The following NEO1 variants were observed in gnomAD, a reference collection of about 807,000 sequenced individuals.
NEO1 encodes the protein neogenin 1, also known as neogenin.
A neutral mutation model predicts 159.7 loss-of-function variants in NEO1; 63 were observed. The ratio of observed to expected loss-of-function variants is 0.39; its 90% CI spans 0.32 to 0.49. The LOEUF (loss-of-function observed/expected upper bound fraction) is 0.49. Among genes scored for constraint, NEO1 ranks in the 20% least tolerant of loss-of-function variants. The probability of loss-of-function intolerance (pLI) is 0.85; values close to 1 mark genes in which losing one functional copy is unlikely to be tolerated. For synonymous variants in NEO1, 633 were observed against 662.0 expected, an observed-to-expected ratio of 0.96 and a Z score of 0.67; for missense variants, 1,615 against 1,831.0, an observed-to-expected ratio of 0.88 and a Z score of 2.15.
rs1396861124 is a variant in NEO1 at position 73,126,451 on chromosome 15, A to G, written c.759A>G (p.Lys253=). 2.5e-6 allele frequency: 4 copies of G among 1,607,438 alleles called. No individual in the cohort carries two copies. The highest frequency in any genetic ancestry group is 2.5e-6 in the Non-Finnish European group (3 of 1,177,730). The change falls in exon 4 of 29, where the codon AAA becomes AAG. Residue 253 remains lysine (K), a synonymous_variant. Coordinates refer to ENST00000261908, the MANE Select transcript of NEO1 (RefSeq NM_002499.4). ...TGATATCAGACTTGGTATTTTTGAA[A>G]CAGCCTTCTCCCTTAGTCAGAGTCA... ...PEVISDLVFL[K]QPSPLVRVIG...
At chr15:73,094,784 G>A (rs1350739973) in intron 1 of NEO1, among the ~76,000 whole-genome samples, 3 of 152,130 alleles carry the variant, frequency 2.0e-5, no homozygotes, top group African/African-American at 7.2e-5. Context: ...TTGTTAGTTG[G>A]ATCTAGAGAT....
At chr15:73,250,124 A>G (rs1254157366) in intron 11 of NEO1, among the ~76,000 whole-genome samples, 1 of 152,088 alleles carries the variant, frequency 6.6e-6, no homozygotes, top group East Asian at 1.9e-4. Flanking sequence ...GTTCCTCCGT[A>G]TTTGTGACTG....
chr15:73,273,223 C>T (rs2041255233), intron 19 of NEO1, among the ~76,000 whole-genome samples: 1 of 152,124 alleles, frequency 6.6e-6, no homozygotes, highest in Non-Finnish European at 1.5e-5. Flanking sequence ...CCTTTGGCGC[C>T]TCTGGCCCAT....
At chr15:73,185,645 T>A (rs747626518) in intron 7 of NEO1, among the ~76,000 whole-genome samples, 1 of 152,166 alleles carries the variant, frequency 6.6e-6, no homozygotes, top group South Asian at 2.1e-4. Flanking sequence ...CCCAGATGAG[T>A]TGAAAATTTA....
intron 26 of NEO1, among the ~76,000 whole-genome samples, chr15:73,297,807 A>G (rs537325129): frequency 3.0e-4 from 46 of 152,312 alleles, no homozygotes; most frequent in Admixed American, 7.2e-4. Context: ...TTGTTGTCCA[A>G]TTCTCACTTG....
chr15:73,131,467 A>G (rs1215077998), intron 4 of NEO1, among the ~76,000 whole-genome samples: 1 of 152,222 alleles, frequency 6.6e-6, no homozygotes, highest in Non-Finnish European at 1.5e-5. Flanking sequence ...TTACCACCCT[A>G]AAGAAGTTGT....
intron 3 of NEO1, among the ~76,000 whole-genome samples, chr15:73,123,627 C>A (rs2071800133): frequency 6.6e-6 from 1 of 152,096 alleles, no homozygotes; most frequent in Non-Finnish European, 1.5e-5. Flanking sequence ...TCCTCATAAT[C>A]AATTTTGTAT....
At chr15:73,229,134 G>C (rs2150810248) in intron 7 of NEO1, among the ~76,000 whole-genome samples, 1 of 152,048 alleles carries the variant, frequency 6.6e-6, no homozygotes, top group East Asian at 1.9e-4. Context: ...TAACAACTTT[G>C]AGTTGTTCAA....
At chr15:73,179,151 G>A (rs2035453613) in intron 7 of NEO1, among the ~76,000 whole-genome samples, 1 of 152,162 alleles carries the variant, frequency 6.6e-6, no homozygotes, top group Admixed American at 6.5e-5. Flanking sequence ...TGTAATTTGA[G>A]CAGAGTTTTA....
intron 5 of NEO1, among the ~76,000 whole-genome samples, chr15:73,136,495 C>T (rs1456780640): frequency 1.3e-5 from 2 of 152,122 alleles, no homozygotes; most frequent in Middle Eastern, 3.4e-3. Flanking sequence ...TCTGTGACCC[C>T]GAATTATTTC....
chr15:73,219,867 C>G (rs1304256422), intron 7 of NEO1, among the ~76,000 whole-genome samples: 3 of 150,508 alleles, frequency 2.0e-5, no homozygotes, highest in African/African-American at 7.4e-5. Flanking sequence ...TGGGTCTTGA[C>G]TCTTTATCCA....
At chr15:73,133,454 T>C (rs1398704738) in intron 4 of NEO1, among the ~76,000 whole-genome samples, 2 of 152,180 alleles carry the variant, frequency 1.3e-5, no homozygotes, top group East Asian at 3.8e-4. Flanking sequence ...CAGTGTACAC[T>C]GTTTGGGTGA....
At chr15:73,261,088 T>C (rs2040599391) in intron 15 of NEO1, among the ~76,000 whole-genome samples, 1 of 152,138 alleles carries the variant, frequency 6.6e-6, no homozygotes, top group Non-Finnish European at 1.5e-5. Context: ...AATCTCTTTA[T>C]AACTGGTTCC....
intron 7 of NEO1, among the ~76,000 whole-genome samples, chr15:73,179,555 C>G (rs2035480279): frequency 6.6e-6 from 1 of 152,252 alleles, no homozygotes; most frequent in Non-Finnish European, 1.5e-5. Flanking sequence ...ACACTAGAAC[C>G]AGGAAGGAAA....
Position 73,258,790 on chromosome 15 carries a change from A to C in NEO1, c.2117A>C (p.Asn706Thr). The C allele has an allele frequency of 6.2e-7, 1 of 1,613,948 alleles. No individual in the cohort carries two copies. Among genetic ancestry groups the C allele is most frequent in the Non-Finnish European group, 8.5e-7 (1 of 1,179,910 alleles). The change falls in exon 14 of 29, where the codon AAT becomes ACT. Residue 706 changes from asparagine (N) to threonine (T), a missense_variant. This residue lies in a region of NEO1 where 1,018 missense variants were observed against 1,115.4 expected (regional missense o/e 0.91). Transcript: ENST00000261908. ...GGTCTTGATCGGGGGACTGAGTATA[A>C]TTTCCGAGTGGCTGCTCTAACAATC... ...IEGLDRGTEY[N>T]FRVAALTING...
At chr15:73,104,917 A>G (rs749926690) in intron 1 of NEO1, among the ~76,000 whole-genome samples, 7 of 152,278 alleles carry the variant, frequency 4.6e-5, no homozygotes, top group East Asian at 1.9e-4. Flanking sequence ...AATGCGCCCC[A>G]TGATCCAATC....
chr15:73,053,871 T>A (rs1464584952), intron 1 of NEO1, among the ~76,000 whole-genome samples: 1 of 152,256 alleles, frequency 6.6e-6, no homozygotes, highest in Non-Finnish European at 1.5e-5. Context: ...CAGTACTTGT[T>A]TTTCCCTGAT....
At chr15:73,191,698 G>T (rs1421241881) in intron 7 of NEO1, among the ~76,000 whole-genome samples, 1 of 152,010 alleles carries the variant, frequency 6.6e-6, no homozygotes, top group Non-Finnish European at 1.5e-5. Flanking sequence ...TGCAAAATTA[G>T]AAAATCTTCT....
chr15:73,214,005 T>A lies in NEO1; in HGVS notation c.1292-22342T>A, dbSNP rs977105009. 2.0e-5 allele frequency among the ~76,000 whole-genome samples: 3 copies of A among 152,228 alleles called. No homozygotes were observed. In the East Asian group the frequency reaches 5.8e-4, roughly 29 times the overall value. ...TAGCGCATTGTGGTTTTGATTTGCATTTCCCTGATCATTAGTGATGTTGAG... is the reference window on the plus strand; with the variant it reads ...TAGCGCATTGTGGTTTTGATTTGCAATTCCCTGATCATTAGTGATGTTGAG... On this transcript the variant is annotated intron_variant, in intron 7 of 28. Coordinates refer to ENST00000261908, the MANE Select transcript of NEO1 (RefSeq NM_002499.4).
Sources: allele counts gnomAD v4.1 joint callset (sites outside exome capture counted in the v4.1 genomes callset), GRCh38; gene constraint gnomAD v4.1.1; regional missense constraint gnomAD v4.1.1; transcripts MANE v1.5; gene names NCBI Gene and HGNC (gene_info 2026-07-23, HGNC 2026-07-21).